BRD10: variants seen among roughly 807,000 people sequenced by gnomAD.
BRD10 encodes the protein bromodomain containing 10.
the BRD10 span, among the ~76,000 whole-genome samples, chr9:5,947,899 T>C: frequency 6.6e-6 from 1 of 152,144 alleles, no homozygotes; most frequent in Non-Finnish European, 1.5e-5. Flanking sequence ...CTCATTATCT[T>C]GCATTTGAAA....
At chr9:5,965,923 G>T in the BRD10 span, among the ~76,000 whole-genome samples, 23 of 152,278 alleles carry the variant, frequency 1.5e-4, no homozygotes, top group African/African-American at 5.5e-4. Flanking sequence ...CAAATGTTTA[G>T]CTGTTATTAT....
chr9:5,981,488 C>G, the BRD10 span, among the ~76,000 whole-genome samples: 2 of 152,130 alleles, frequency 1.3e-5, no homozygotes, highest in African/African-American at 4.8e-5. Flanking sequence ...CTGACAGATA[C>G]GACATCCAGA....
At chr9:5,968,884 A>T in the BRD10 span, 2 of 1,613,162 alleles carry the variant, frequency 1.2e-6, no homozygotes, top group African/African-American at 1.3e-5. Flanking sequence ...TAGGCTGTCC[A>T]AGTACAGCAT....
chr9:5,954,706 A>C, the BRD10 span, among the ~76,000 whole-genome samples: 3 of 152,224 alleles, frequency 2.0e-5, no homozygotes, highest in African/African-American at 7.2e-5. Context: ...GAAAAAAATA[A>C]ACCTCATACT....
At chr9:5,908,880 T>C in the BRD10 span, 1 of 587,488 alleles carries the variant, frequency 1.7e-6, no homozygotes, top group African/African-American at 1.9e-5. Context: ...ACTAATCATG[T>C]GAGGAAATGA....
At chr9:5,926,529 T>C in the BRD10 span, among the ~76,000 whole-genome samples, 1,261 of 152,094 alleles carry the variant, frequency 8.3e-3, 12 homozygotes, top group African/African-American at 0.028. Flanking sequence ...GCTTTAAATT[T>C]TTTATTTATT....
chr9:5,942,593 T>C, the BRD10 span, among the ~76,000 whole-genome samples: 3 of 152,338 alleles, frequency 2.0e-5, no homozygotes, highest in East Asian at 1.9e-4. Flanking sequence ...TTGGTTAAGA[T>C]AGTCTGTTCA....
At chr9:5,966,488 CTT>C in the BRD10 span, among the ~76,000 whole-genome samples, 1 of 94,622 alleles carries the variant, frequency 1.1e-5, no homozygotes, top group Non-Finnish European at 1.9e-5. Context: ...GAGACAGAGT[CTT>C]GCTCTGTTGA....
At chr9:5,991,725 A>C in the BRD10 span, among the ~76,000 whole-genome samples, 1 of 69,422 alleles carries the variant, frequency 1.4e-5, no homozygotes, top group Non-Finnish European at 2.5e-5. Context: ...ACTCTGTCTT[A>C]AAAAAAAAAA....
At chr9:5,882,255 C>T in the BRD10 span, among the ~76,000 whole-genome samples, 3 of 152,256 alleles carry the variant, frequency 2.0e-5, no homozygotes, top group African/African-American at 7.2e-5. Flanking sequence ...AATTTGGTGA[C>T]AGCAATCTAG....
the BRD10 span, chr9:5,968,372 C>A: frequency 6.2e-7 from 1 of 1,610,708 alleles, no homozygotes; most frequent in Non-Finnish European, 8.5e-7. Context: ...GGAAGCTTCA[C>A]CGTATTTTTC....
At chr9:5,980,512 A>G in the BRD10 span, among the ~76,000 whole-genome samples, 1 of 152,212 alleles carries the variant, frequency 6.6e-6, no homozygotes, top group Non-Finnish European at 1.5e-5. Context: ...GAAGGTAATC[A>G]GCCTACTGTA....
chr9:5,911,517 G>A, the BRD10 span, among the ~76,000 whole-genome samples: 2 of 149,778 alleles, frequency 1.3e-5, no homozygotes, highest in African/African-American at 4.9e-5. Context: ...TTTTTGCTTA[G>A]GTCCTTTTTC....
chr9:5,907,142 G>C, the BRD10 span: 1 of 423,928 alleles, frequency 2.4e-6, no homozygotes, highest in Non-Finnish European at 4.1e-6. Context: ...TGGTTAAAAT[G>C]GCAACTTTTA....
chr9:5,996,168 T>C, the BRD10 span, among the ~76,000 whole-genome samples: 12 of 152,108 alleles, frequency 7.9e-5, no homozygotes, highest in Non-Finnish European at 1.6e-4. Flanking sequence ...AATAAATACA[T>C]ATATAAAAAT....
At chr9:5,956,652 G>A in the BRD10 span, among the ~76,000 whole-genome samples, 1 of 152,084 alleles carries the variant, frequency 6.6e-6, no homozygotes, top group African/African-American at 2.4e-5. Flanking sequence ...GCTAAGCTAT[G>A]GTGAGAAAAG....
At chr9:5,983,712 C>T in the BRD10 span, among the ~76,000 whole-genome samples, 1 of 152,008 alleles carries the variant, frequency 6.6e-6, no homozygotes, top group Non-Finnish European at 1.5e-5. Context: ...GCGAAATGAA[C>T]CTCAAGCAAG....
the BRD10 span, among the ~76,000 whole-genome samples, chr9:5,936,827 G>A: frequency 3.3e-5 from 5 of 152,248 alleles, no homozygotes; most frequent in South Asian, 4.1e-4. Context: ...AACCATGGAA[G>A]GTAGTAATCA....
the BRD10 span, among the ~76,000 whole-genome samples, chr9:5,956,511 A>T: frequency 6.6e-6 from 1 of 152,126 alleles, no homozygotes; most frequent in Non-Finnish European, 1.5e-5. Flanking sequence ...CAGTTTCTTC[A>T]TCTGTAAAAC....
Sources: allele counts gnomAD v4.1 joint callset (sites outside exome capture counted in the v4.1 genomes callset), GRCh38; gene constraint gnomAD v4.1.1; transcripts MANE v1.5; gene names NCBI Gene and HGNC (gene_info 2026-07-23, HGNC 2026-07-21).